FGF14: variants seen among roughly 807,000 people sequenced by gnomAD.
The protein encoded by FGF14 is fibroblast growth factor 14.
FGF14 carries 5 observed loss-of-function variants against 25.5 expected under a neutral mutation model. That is an observed-to-expected ratio of 0.20 (90% CI 0.10 to 0.41). The LOEUF is 0.41. FGF14 is among the 10% of genes least tolerant of loss of function. The probability of loss-of-function intolerance (pLI) is 1.00; values close to 1 mark genes in which losing one functional copy is unlikely to be tolerated. For synonymous variants in FGF14, 138 were observed against 118.3 expected (o/e 1.17, Z -1.08); for missense variants, 222 against 320.1 (o/e 0.69, Z 2.34).
At chr13:102,188,912 G>A (rs1474594413) in intron 1 of FGF14, among the ~76,000 whole-genome samples, 1 of 149,302 alleles carries the variant, frequency 6.7e-6, no homozygotes, top group Non-Finnish European at 1.5e-5. Flanking sequence ...CTGCACTCCA[G>A]CCTGAGTGAC....
At chr13:102,066,860 C>T (rs566993680) in intron 1 of FGF14, among the ~76,000 whole-genome samples, 1 of 152,290 alleles carries the variant, frequency 6.6e-6, no homozygotes, top group African/African-American at 2.4e-5. Flanking sequence ...GCCTCTGCTG[C>T]TCTCTCCAGT....
intron 1 of FGF14, among the ~76,000 whole-genome samples, chr13:102,008,814 C>A (rs960062385): frequency 1.3e-5 from 2 of 152,198 alleles, no homozygotes; most frequent in African/African-American, 4.8e-5. Context: ...AACAGTGAAA[C>A]TGATGTGTAA....
intron 1 of FGF14, among the ~76,000 whole-genome samples, chr13:102,045,411 G>A (rs534023157): frequency 6.6e-6 from 1 of 152,260 alleles, no homozygotes; most frequent in East Asian, 1.9e-4. Context: ...AAATGGTGAG[G>A]AGAAAATATA....
At chr13:101,833,499 C>T (rs897835954) in intron 3 of FGF14, among the ~76,000 whole-genome samples, 1 of 152,004 alleles carries the variant, frequency 6.6e-6, no homozygotes, top group African/African-American at 2.4e-5. Context: ...ATAAGGTCTA[C>T]AAGTTTAATT....
intron 1 of FGF14, among the ~76,000 whole-genome samples, chr13:101,947,748 G>A (rs1594798458): frequency 6.6e-6 from 1 of 152,142 alleles, no homozygotes; most frequent in South Asian, 2.1e-4. Context: ...CACTACATAG[G>A]TGACAGGATC....
intron 3 of FGF14, among the ~76,000 whole-genome samples, chr13:101,832,307 CTGA>C (rs2042710038): frequency 6.6e-6 from 1 of 152,038 alleles, no homozygotes; most frequent in Admixed American, 6.6e-5. Context: ...CAGACTGAAA[CTGA>C]TCTCTGACCT....
chr13:102,104,130 G>A lies in FGF14; in HGVS notation c.209-228834C>T, dbSNP rs371591053. On this transcript the variant is annotated intron_variant, in intron 1 of 4. Transcript: ENST00000376131. The stretch of plus-strand genomic sequence containing the variant: ...GAGGACTAAGGATCCTTTTGGTTCT[G>A]TTCTTTCCCCTAAACCAGCCATCAG... Among the ~76,000 whole-genome samples, 3 of 152,130 alleles carry A rather than the reference G, an allele frequency of 2.0e-5. No individual in the cohort carries two copies. In the East Asian group the frequency reaches 5.8e-4, roughly 29 times the overall value.
chr13:102,299,625 G>A (rs1014446131), intron 1 of FGF14, among the ~76,000 whole-genome samples: 5 of 152,150 alleles, frequency 3.3e-5, no homozygotes, highest in South Asian at 2.1e-4. Flanking sequence ...GCTGGACAGC[G>A]GGAGGTGGAG....
At chr13:102,326,713 A>AGGAG (rs1478370020) in intron 1 of FGF14, among the ~76,000 whole-genome samples, 5 of 81,830 alleles carry the variant, frequency 6.1e-5, no homozygotes, top group African/African-American at 2.9e-4. Context: ...GAAGGAAGGA[A>AGGAG]GGAAGGAAGG....
chr13:102,176,088 A>T (rs552882764), intron 1 of FGF14, among the ~76,000 whole-genome samples: 83 of 152,268 alleles, frequency 5.5e-4, no homozygotes, highest in Middle Eastern at 3.4e-3. Context: ...AAGGAAAAGA[A>T]ATTGTTATAT....
chr13:101,930,252 T>G (rs557430591), intron 1 of FGF14, among the ~76,000 whole-genome samples: 2 of 152,306 alleles, frequency 1.3e-5, no homozygotes, highest in South Asian at 4.1e-4. Context: ...AAATCAAGGT[T>G]GCAAATCTCA....
chr13:102,338,762 C>G (rs1366061290), intron 1 of FGF14, among the ~76,000 whole-genome samples: 3 of 151,796 alleles, frequency 2.0e-5, no homozygotes, highest in Non-Finnish European at 4.4e-5. Context: ...GCCTGTAATC[C>G]CAACACTTTG....
chr13:102,161,842 A>C (rs75525423), intron 1 of FGF14, among the ~76,000 whole-genome samples: 7,126 of 151,920 alleles, frequency 0.047, 222 homozygotes, highest in Middle Eastern at 0.17. Context: ...AAAAAAAAAA[A>C]AACCTGGAGA....
chr13:102,262,235 T>C (rs2052754739), intron 1 of FGF14, among the ~76,000 whole-genome samples: 1 of 152,148 alleles, frequency 6.6e-6, no homozygotes, highest in South Asian at 2.1e-4. Flanking sequence ...TTTAAGTGCT[T>C]AAGATGAAAT....
At chr13:101,903,051 T>C (rs1238802465) in intron 1 of FGF14, among the ~76,000 whole-genome samples, 1 of 152,044 alleles carries the variant, frequency 6.6e-6, no homozygotes, top group Non-Finnish European at 1.5e-5. Flanking sequence ...TTTTCTGGGG[T>C]TTTTTGTTTG....
chr13:102,274,326 A>G (rs1441196251), intron 1 of FGF14, among the ~76,000 whole-genome samples: 1 of 152,166 alleles, frequency 6.6e-6, no homozygotes, highest in Admixed American at 6.5e-5. Flanking sequence ...AAAGATTTTG[A>G]TTTTTTTAAG....
chr13:102,246,478 AG>A (rs2051875876), intron 1 of FGF14, among the ~76,000 whole-genome samples: 1 of 152,082 alleles, frequency 6.6e-6, no homozygotes, highest in Non-Finnish European at 1.5e-5. Flanking sequence ...CACTTAAAAC[AG>A]ATGGAGCTGG....
intron 3 of FGF14, among the ~76,000 whole-genome samples, chr13:101,739,014 C>CTA (rs561914493): frequency 0.051 from 7,188 of 141,948 alleles, 186 homozygotes; most frequent in Middle Eastern, 0.067. Flanking sequence ...GTATATCTAT[C>CTA]TATATATATA....
intron 1 of FGF14, among the ~76,000 whole-genome samples, chr13:102,191,870 A>G (rs1407283380): frequency 1.3e-5 from 2 of 152,248 alleles, no homozygotes; most frequent in Non-Finnish European, 2.9e-5. Flanking sequence ...TGGAATAGGC[A>G]TGAGATAGCC....
Sources: allele counts gnomAD v4.1 joint callset (sites outside exome capture counted in the v4.1 genomes callset), GRCh38; gene constraint gnomAD v4.1.1; transcripts MANE v1.5; gene names NCBI Gene and HGNC (gene_info 2026-07-23, HGNC 2026-07-21).